Variants in IGFBP7 observed in about 807,000 individuals in gnomAD.
IGFBP7 encodes insulin like growth factor binding protein 7.
IGFBP7 carries 31 observed loss-of-function variants against 29.4 expected under a neutral mutation model. That is an observed-to-expected ratio of 1.05 (90% CI 0.79 to 1.42). The LOEUF is 1.42. IGFBP7 is among the 40% of genes most tolerant of loss of function. IGFBP7 has a pLI of 0.00. For missense variants in IGFBP7, 393 were observed against 395.5 expected (o/e 0.99, Z 0.05); for synonymous variants, 172 against 174.9 (o/e 0.98, Z 0.13).
chr4:57,073,725 A>T (rs868528375), intron 1 of IGFBP7, among the ~76,000 whole-genome samples: 15 of 152,158 alleles, frequency 9.9e-5, no homozygotes, highest in Admixed American at 2.6e-4. Flanking sequence ...AGCTTCCACA[A>T]CTACAGTTAC....
At chr4:57,032,314 C>T (rs745438907) in intron 4 of IGFBP7, 112 bp downstream of exon 4, 14 of 1,495,358 alleles carry the variant, frequency 9.4e-6, no homozygotes, top group Non-Finnish European at 1.2e-5. Flanking sequence ...TTATGGGTTG[C>T]TAACTACAGA....
At chr4:57,066,050 A>G (rs1270162597) in intron 1 of IGFBP7, among the ~76,000 whole-genome samples, 1 of 152,108 alleles carries the variant, frequency 6.6e-6, no homozygotes, top group East Asian at 1.9e-4. Flanking sequence ...TATCTGGTTA[A>G]GGTCCCATCC....
intron 1 of IGFBP7, among the ~76,000 whole-genome samples, chr4:57,060,177 TCTC>T (rs1724766700): frequency 6.6e-6 from 1 of 152,142 alleles, no homozygotes; most frequent in Non-Finnish European, 1.5e-5. Context: ...TAAAAAATAA[TCTC>T]CTGGGCTGTA....
intron 1 of IGFBP7, among the ~76,000 whole-genome samples, chr4:57,060,303 A>T (rs1182577326): frequency 6.6e-6 from 1 of 152,202 alleles, no homozygotes; most frequent in Non-Finnish European, 1.5e-5. Flanking sequence ...TTACAGGAAG[A>T]AGGTCAGAGT....
At position 57,069,424 on chromosome 4, in the gene IGFBP7, C is replaced by CA. The variant is rs1199993092; in HGVS notation, c.476-28492dup. On this transcript the variant is annotated intron_variant, in intron 1 of 4. Transcript: ENST00000295666. ...GCAACATAGTGAGGTCTGGTCTCTACAAAAAATAAAACAAAAAATAAAAAA... is the reference window on the plus strand; with the variant it reads ...GCAACATAGTGAGGTCTGGTCTCTACAAAAAAATAAAACAAAAAATAAAAAA... Among the ~76,000 whole-genome samples the CA allele has an allele frequency of 3.3e-5, 5 of 152,094 alleles. No individual in the cohort carries two copies. The East Asian group carries it at 7.8e-4, about 24-fold the overall frequency.
intron 2 of IGFBP7, among the ~76,000 whole-genome samples, chr4:57,038,435 C>T (rs1724136345): frequency 6.6e-6 from 1 of 152,082 alleles, no homozygotes; most frequent in South Asian, 2.1e-4. Context: ...ATGCAGGGGC[C>T]CTTGAGGCTG....
intron 1 of IGFBP7, among the ~76,000 whole-genome samples, chr4:57,067,926 GA>G (rs993714157): frequency 1.3e-5 from 2 of 152,154 alleles, no homozygotes; most frequent in Non-Finnish European, 2.9e-5. Flanking sequence ...ATAGGGTAGC[GA>G]AAAATGTGGA....
In IGFBP7 at chr4:57,032,406, CTGTGAGATTTATTG is replaced by C. The variant is rs1323096130; in HGVS notation, c.829+6_829+19del. On this transcript the variant is annotated splice_donor_region_variant and intron_variant, in intron 4 of 4. Transcript: ENST00000295666. ...AAATGTACTAGTCATTTTTAAATGG[CTGTGAGATTTATTG>C]TGTACCTTTTTTCACTGGTATTTCA... 1 of 1,612,758 alleles carries C rather than the reference CTGTGAGATTTATTG, an allele frequency of 6.2e-7. No homozygotes were observed. Among genetic ancestry groups the C allele is most frequent in the Non-Finnish European group, 8.5e-7 (1 of 1,179,276 alleles).
intron 1 of IGFBP7, among the ~76,000 whole-genome samples, chr4:57,098,359 G>A (rs760018477): frequency 3.3e-5 from 5 of 152,210 alleles, no homozygotes; most frequent in South Asian, 2.1e-4. Flanking sequence ...AACAGGCCAG[G>A]CTGAATGGGT....
At chr4:57,055,788 A>T (rs554250365) in intron 1 of IGFBP7, among the ~76,000 whole-genome samples, 10 of 152,060 alleles carry the variant, frequency 6.6e-5, no homozygotes, top group African/African-American at 2.2e-4. Flanking sequence ...CATGGGTCTT[A>T]TCTAAAATCC....
At chr4:57,100,067 C>CTTTTT (rs1168409479) in intron 1 of IGFBP7, among the ~76,000 whole-genome samples, 1 of 56,284 alleles carries the variant, frequency 1.8e-5, no homozygotes. Context: ...TTTTTCTTTT[C>CTTTTT]TTTCTTTTTT....
intron 1 of IGFBP7, among the ~76,000 whole-genome samples, chr4:57,079,688 T>C (rs1725315778): frequency 1.3e-5 from 2 of 152,224 alleles, no homozygotes; most frequent in South Asian, 2.1e-4. Context: ...GAAAAAAATC[T>C]AGTAAGTCAA....
intron 1 of IGFBP7, among the ~76,000 whole-genome samples, chr4:57,107,089 T>C (rs546351483): frequency 2.6e-5 from 4 of 152,204 alleles, no homozygotes; most frequent in South Asian, 4.1e-4. Flanking sequence ...GGAGGAAGAC[T>C]GGGGCAAGCT....
intron 1 of IGFBP7, among the ~76,000 whole-genome samples, chr4:57,055,219 C>G (rs1053703542): frequency 6.6e-6 from 1 of 152,220 alleles, no homozygotes; most frequent in South Asian, 2.1e-4. Flanking sequence ...CCTGCAGGAT[C>G]TTATCCAGTG....
chr4:57,059,168 A>G (rs1228613511), intron 1 of IGFBP7, among the ~76,000 whole-genome samples: 2 of 152,208 alleles, frequency 1.3e-5, no homozygotes, highest in African/African-American at 4.8e-5. Flanking sequence ...TAGCTCAACC[A>G]TTGTGGAAAG....
chr4:57,093,928 T>G (rs1725695552), intron 1 of IGFBP7, among the ~76,000 whole-genome samples: 1 of 152,176 alleles, frequency 6.6e-6, no homozygotes, highest in Non-Finnish European at 1.5e-5. Flanking sequence ...AAATGTACCT[T>G]TGTTCATTTT....
chr4:57,037,856 C>A (rs1724120779), intron 2 of IGFBP7, among the ~76,000 whole-genome samples: 3 of 152,134 alleles, frequency 2.0e-5, no homozygotes, highest in Admixed American at 1.3e-4. Context: ...ATTATTTCTC[C>A]ACCTCCCCAC....
intron 1 of IGFBP7, among the ~76,000 whole-genome samples, chr4:57,084,403 G>A (rs1449595070): frequency 1.3e-5 from 2 of 152,152 alleles, no homozygotes; most frequent in African/African-American, 4.8e-5. Flanking sequence ...AAAAAACATG[G>A]ACATGAAATG....
intron 1 of IGFBP7, among the ~76,000 whole-genome samples, chr4:57,081,071 G>A (rs538149102): frequency 1.3e-5 from 2 of 152,300 alleles, no homozygotes; most frequent in African/African-American, 4.8e-5. Context: ...CCTCTATGGA[G>A]CTTCCCCCTT....
Sources: gnomAD v4.1 joint callset for allele counts (sites outside exome capture counted in the v4.1 genomes callset) on GRCh38, gnomAD v4.1.1 for gene constraint, MANE v1.5 for transcripts, NCBI Gene and HGNC (gene_info 2026-07-23, HGNC 2026-07-21) for gene names.